The following ARMH3 variants were observed in gnomAD, a reference collection of about 807,000 sequenced individuals.
ARMH3 encodes the protein armadillo like helical domain containing 3.
ARMH3 carries 60 observed loss-of-function variants against 99.1 expected under a neutral mutation model. The observed-to-expected ratio is 0.61, with a 90% confidence interval of 0.49 to 0.75. The LOEUF (loss-of-function observed/expected upper bound fraction) is 0.75, where lower values mean the gene tolerates loss of function less well. Ranked by LOEUF, ARMH3 falls within the 30% of genes least tolerant of loss-of-function variation. The pLI is 0.00. For missense variants in ARMH3, 679 were observed against 843.1 expected, an observed-to-expected ratio of 0.81 and a Z score of 2.41; for synonymous variants, 285 against 292.8, an observed-to-expected ratio of 0.97 and a Z score of 0.27.
At chr10:101,850,090 C>CTCTT (rs752507279) in intron 24 of ARMH3, among the ~76,000 whole-genome samples, 198 bp from the exon 25 acceptor site, 71 of 91,362 alleles carry the variant, frequency 7.8e-4, no homozygotes, top group Middle Eastern at 7.7e-3. Flanking sequence ...CTCTCTCTCT[C>CTCTT]TTTTTTTTTT....
chr10:101,974,260 G>A (rs1845894135), intron 20 of ARMH3, among the ~76,000 whole-genome samples: 1 of 152,178 alleles, frequency 6.6e-6, no homozygotes, highest in Admixed American at 6.5e-5. Context: ...AACTGGGTTG[G>A]GAGGAAATCA....
At chr10:101,993,705 A>G in intron 16 of ARMH3, 102 bp from the exon 17 acceptor site, 2 of 751,176 alleles carry the variant, frequency 2.7e-6, no homozygotes, top group Non-Finnish European at 4.3e-6. Context: ...AACTACTTTC[A>G]AGGATCAGCT....
At chr10:101,918,794 CTAATT>C (rs1843190739) in intron 23 of ARMH3, among the ~76,000 whole-genome samples, 2 of 152,162 alleles carry the variant, frequency 1.3e-5, no homozygotes, top group Non-Finnish European at 2.9e-5. Flanking sequence ...ATCCCTAACT[CTAATT>C]TGTTATCCCA....
intron 8 of ARMH3, among the ~76,000 whole-genome samples, chr10:102,020,703 A>G (rs1335406480): frequency 6.7e-6 from 1 of 150,268 alleles, no homozygotes; most frequent in African/African-American, 2.5e-5. Flanking sequence ...AAAAAAAAAA[A>G]TTAGCCGAGT....
Position 102,001,999 on chromosome 10 carries a change from A to G in ARMH3, c.1122T>C (p.Tyr374=), listed in dbSNP as rs766049260. 35 of 1,614,070 alleles carry G rather than the reference A, an allele frequency of 2.2e-5. No individual in the cohort carries two copies. Among genetic ancestry groups the G allele is most frequent in the Non-Finnish European group, 2.9e-5 (34 of 1,180,032 alleles). Residue 374 remains tyrosine, a synonymous_variant, in exon 15 of 26, where the codon TAT becomes TAC. Coordinates refer to ENST00000370033, the MANE Select transcript of ARMH3 (RefSeq NM_024541.3). The stretch of plus-strand genomic sequence containing the variant: ...TGGTGTCCTGCATGACAATTGAGCT[A>G]TACTTTAAAAAGGTTATCAGTAGAT... ...TSNLLITFLK[Y]SSIVMQDTKD...
chr10:101,847,629 G>T lies in ARMH3; in HGVS notation c.1978-9C>A, dbSNP rs1367673865. ...GTGCTAATGGATCGAACCTGGGAAA[G>T]GGTAGTTGGGGAAGGTGGGAGGGCG... On this transcript the variant is annotated splice_polypyrimidine_tract_variant and intron_variant, in intron 25 of 25. Coordinates refer to ENST00000370033, the MANE Select transcript of ARMH3 (RefSeq NM_024541.3). The T allele has an allele frequency of 1.2e-6, 2 of 1,613,684 alleles. No individual in the cohort carries two copies. Among genetic ancestry groups the T allele is most frequent in the African/African-American group, 2.7e-5 (2 of 74,916 alleles).
At chr10:101,904,947 T>C in intron 23 of ARMH3, among the ~76,000 whole-genome samples, 1 of 118,838 alleles carries the variant, frequency 8.4e-6, no homozygotes, top group Admixed American at 9.3e-5. Context: ...AGAGACTCCA[T>C]CTCAAAAAAA....
intron 22 of ARMH3, among the ~76,000 whole-genome samples, chr10:101,956,200 T>C (rs1376738017): frequency 1.3e-5 from 2 of 152,184 alleles, no homozygotes; most frequent in East Asian, 1.9e-4. Flanking sequence ...TAAAAATACA[T>C]AGGTACACTA....
intron 8 of ARMH3, among the ~76,000 whole-genome samples, chr10:102,023,215 G>A (rs1432208694): frequency 6.6e-6 from 1 of 151,080 alleles, no homozygotes; most frequent in Non-Finnish European, 1.5e-5. Flanking sequence ...GTTCTTAGGT[G>A]ATTCTAATAA....
chr10:101,977,363 G>C (rs1358554099), intron 19 of ARMH3, among the ~76,000 whole-genome samples: 1 of 151,954 alleles, frequency 6.6e-6, no homozygotes, highest in East Asian at 1.9e-4. Context: ...AGGTTAAAAA[G>C]CCAGACGAAA....
At chr10:101,925,125 A>G (rs1309653014) in intron 23 of ARMH3, among the ~76,000 whole-genome samples, 1 of 152,244 alleles carries the variant, frequency 6.6e-6, no homozygotes, top group African/African-American at 2.4e-5. Flanking sequence ...AGGTCACTTT[A>G]AGCAGATTTG....
At chr10:102,053,844 G>C (rs1349260847) in intron 1 of ARMH3, among the ~76,000 whole-genome samples, 1 of 151,922 alleles carries the variant, frequency 6.6e-6, no homozygotes, top group Non-Finnish European at 1.5e-5. Flanking sequence ...ATTTTTAGTA[G>C]AGACGGGGTT....
At chr10:102,002,309 A>C (rs1013576688) in intron 14 of ARMH3, among the ~76,000 whole-genome samples, 5 of 152,114 alleles carry the variant, frequency 3.3e-5, no homozygotes, top group Non-Finnish European at 4.4e-5. Context: ...GCCAGTCTCC[A>C]AGAACGGTGC....
At chr10:102,031,337 G>A (rs1452043811) in intron 4 of ARMH3, among the ~76,000 whole-genome samples, 1 of 152,098 alleles carries the variant, frequency 6.6e-6, no homozygotes, top group Non-Finnish European at 1.5e-5. Flanking sequence ...CTTAGTCCCT[G>A]GAACTCTGTT....
intron 23 of ARMH3, among the ~76,000 whole-genome samples, chr10:101,920,823 G>C (rs570196454): frequency 6.6e-6 from 1 of 152,216 alleles, no homozygotes; most frequent in African/African-American, 2.4e-5. Context: ...TGAAAAGGAA[G>C]GAAATTCTGA....
chr10:101,866,626 G>A (rs2067011197), intron 24 of ARMH3, among the ~76,000 whole-genome samples: 1 of 152,138 alleles, frequency 6.6e-6, no homozygotes, highest in Non-Finnish European at 1.5e-5. Context: ...GTGGATGGAG[G>A]ATTGCTGTAA....
At chr10:101,958,633 C>T (rs1845148270) in intron 20 of ARMH3, among the ~76,000 whole-genome samples, 1 of 152,056 alleles carries the variant, frequency 6.6e-6, no homozygotes, top group South Asian at 2.1e-4. Flanking sequence ...ATCTGTGGTC[C>T]TTCTGTCTTC....
chr10:102,050,017 A>T (rs1306559454), intron 1 of ARMH3, among the ~76,000 whole-genome samples: 1 of 151,778 alleles, frequency 6.6e-6, no homozygotes, highest in Non-Finnish European at 1.5e-5. Flanking sequence ...AACCAGATTC[A>T]CTGTAATCCC....
chr10:101,993,711 C>G (rs1414776717), intron 16 of ARMH3, 108 bp from the exon 17 acceptor site: 1 of 682,928 alleles, frequency 1.5e-6, no homozygotes, highest in Non-Finnish European at 2.4e-6. Context: ...TTTCAAGGAT[C>G]AGCTGGACAG....
Sources: gnomAD v4.1 joint callset for allele counts (sites outside exome capture counted in the v4.1 genomes callset) on GRCh38, gnomAD v4.1.1 for gene constraint, MANE v1.5 for transcripts, NCBI Gene and HGNC (gene_info 2026-07-23, HGNC 2026-07-21) for gene names.